PCDH7: variants seen among roughly 807,000 people sequenced by gnomAD.
The protein encoded by PCDH7 is protocadherin 7.
PCDH7 carries 17 observed loss-of-function variants against 58.9 expected under a neutral mutation model. That is an observed-to-expected ratio of 0.29 (90% CI 0.20 to 0.43). The LOEUF is 0.43. Ranked by LOEUF, PCDH7 falls within the 20% of genes least tolerant of loss-of-function variation. The probability of loss-of-function intolerance (pLI) is 1.00; values close to 1 mark genes in which losing one functional copy is unlikely to be tolerated. For synonymous variants in PCDH7, 664 were observed against 616.4 expected, an observed-to-expected ratio of 1.08 and a Z score of -1.14; for missense variants, 1,274 against 1,441.0, an observed-to-expected ratio of 0.88 and a Z score of 1.88.
At chr4:30,910,520 G>T (rs2109404278) in intron 1 of PCDH7, among the ~76,000 whole-genome samples, 1 of 152,114 alleles carries the variant, frequency 6.6e-6, no homozygotes, top group East Asian at 1.9e-4. Context: ...ACAGCCAAAA[G>T]AAGACATTTT....
At chr4:30,726,986 C>G (rs752987296) in intron 1 of PCDH7, among the ~76,000 whole-genome samples, 4 of 151,690 alleles carry the variant, frequency 2.6e-5, no homozygotes, top group Non-Finnish European at 5.9e-5. Flanking sequence ...TTAATTTTTA[C>G]AGAACTGCCA....
chr4:31,068,467 A>G (rs916181954), intron 3 of PCDH7, among the ~76,000 whole-genome samples: 1 of 152,024 alleles, frequency 6.6e-6, no homozygotes, highest in Non-Finnish European at 1.5e-5. Flanking sequence ...GTAGACTCCA[A>G]TATATACACC....
intron 1 of PCDH7, among the ~76,000 whole-genome samples, chr4:30,828,871 A>G (rs2109328457): frequency 6.6e-6 from 1 of 152,032 alleles, no homozygotes; most frequent in East Asian, 1.9e-4. Context: ...CATGATTTTA[A>G]TAGTGACAGT....
In PCDH7 at chr4:30,723,551, T is replaced by C; in HGVS notation, c.2129T>C (p.Phe710Ser). 1 of 1,614,164 alleles carries C rather than the reference T, an allele frequency of 6.2e-7. No homozygotes were observed. Among genetic ancestry groups the C allele is most frequent in the Non-Finnish European group, 8.5e-7 (1 of 1,180,026 alleles). ...CGGGAACATCAGACCACATACACTT[T>C]CAGAGTCAAGGCTGTGGATGGGGGA... Residue 710 changes from phenylalanine (F) to serine (S), a missense_variant, in exon 1 of 2, where the codon TTC becomes TCC. Physicochemically the swap from Phe to Ser is radical, Grantham distance 155 (BLOSUM62 -2). This residue lies in a region of PCDH7 where 731 missense variants were observed against 881.9 expected (regional missense o/e 0.83). Transcript: ENST00000361762. This position sits in a 1 kb window ranked among gnomAD's most constrained non-coding sequence, Gnocchi z 4.6.
chr4:31,131,132 G>T (rs1460881703), intron 3 of PCDH7, among the ~76,000 whole-genome samples: 1 of 152,142 alleles, frequency 6.6e-6, no homozygotes, highest in African/African-American at 2.4e-5. Flanking sequence ...AATCCATGCA[G>T]CCTGAGAAGG....
chr4:30,996,003 G>A (rs968703095), intron 3 of PCDH7, among the ~76,000 whole-genome samples: 1 of 152,046 alleles, frequency 6.6e-6, no homozygotes, highest in African/African-American at 2.4e-5. Flanking sequence ...CTGGGATCAG[G>A]ACATGCACCT....
intron 3 of PCDH7, among the ~76,000 whole-genome samples, chr4:31,122,911 TTAAG>T (rs941510398): frequency 6.6e-6 from 1 of 152,016 alleles, no homozygotes; most frequent in African/African-American, 2.4e-5. Flanking sequence ...TCACAAAAGA[TTAAG>T]TTTCAGTTAA....
At chr4:31,001,536 C>A (rs1299549534) in intron 3 of PCDH7, among the ~76,000 whole-genome samples, 1 of 151,968 alleles carries the variant, frequency 6.6e-6, no homozygotes, top group Non-Finnish European at 1.5e-5. Context: ...TGTTTGATGA[C>A]CATCATACCC....
At chr4:30,796,291 A>G (rs1724761063) in intron 1 of PCDH7, among the ~76,000 whole-genome samples, 1 of 152,230 alleles carries the variant, frequency 6.6e-6, no homozygotes, top group Non-Finnish European at 1.5e-5. Flanking sequence ...AGGGGGCCTA[A>G]CGGACTTCCC....
intron 1 of PCDH7, among the ~76,000 whole-genome samples, chr4:30,820,659 A>ATCACATCATATATT (rs1203495617): frequency 1.3e-5 from 2 of 152,116 alleles, no homozygotes; most frequent in Admixed American, 1.3e-4. Flanking sequence ...GGTCACAACC[A>ATCACATCATATATT]TCACATCATA....
At chr4:30,971,322 G>T (rs745310976) in intron 3 of PCDH7, among the ~76,000 whole-genome samples, 31 of 152,082 alleles carry the variant, frequency 2.0e-4, no homozygotes, top group Non-Finnish European at 4.1e-4. Flanking sequence ...TGAAACCAAG[G>T]CTCCAATTAC....
rs1578068690 is a variant in PCDH7, at chr4:30,857,949, C to T, written c.71-62204C>T. 2.0e-5 allele frequency among the ~76,000 whole-genome samples: 3 copies of T among 152,226 alleles called. No individual in the cohort carries two copies. The South Asian group carries it at 6.2e-4, about 32-fold the overall frequency. On this transcript the variant is annotated intron_variant, in intron 1 of 3. Coordinates refer to the PCDH7 transcript ENST00000509759. ...ATTGCTTTTGTAAAAATGATATATG[C>T]TTTGTGCACAAATTTAAGATAACAC...
At chr4:31,042,468 G>A (rs930847324) in intron 3 of PCDH7, among the ~76,000 whole-genome samples, 6 of 152,180 alleles carry the variant, frequency 3.9e-5, no homozygotes, top group South Asian at 2.1e-4. Context: ...ACTATCATGC[G>A]TGTGTGTCTA....
intron 3 of PCDH7, among the ~76,000 whole-genome samples, chr4:31,035,625 G>A (rs1755345348): frequency 6.6e-6 from 1 of 152,144 alleles, no homozygotes; most frequent in Non-Finnish European, 1.5e-5. Context: ...GAACCAAAGA[G>A]CAGGTTGCAT....
At chr4:31,115,794 A>G (rs1716919748) in intron 3 of PCDH7, among the ~76,000 whole-genome samples, 1 of 152,208 alleles carries the variant, frequency 6.6e-6, no homozygotes, top group Non-Finnish European at 1.5e-5. Context: ...ACAACAGAAA[A>G]TCAGTTTAAA....
chr4:30,732,392 C>T (rs1254003003), exon 2 of PCDH7: 2 of 152,036 alleles, frequency 1.3e-5, no homozygotes, highest in Non-Finnish European at 2.9e-5. Context: ...AAACAAATTA[C>T]AGAAAAATCA....
downstream of PCDH7, chr4:31,146,508 T>C (rs1449455367): frequency 1.3e-5 from 2 of 152,116 alleles, no homozygotes; most frequent in East Asian, 3.9e-4. Context: ...TTCAGACTTT[T>C]CCTACAGTTT....
chr4:30,869,220 T>G (rs1486331935), intron 1 of PCDH7: 3 of 152,146 alleles, frequency 2.0e-5, no homozygotes, highest in African/African-American at 7.2e-5. Flanking sequence ...AAGGAAAACC[T>G]ATCAAAAATT....
At chr4:30,866,926 C>T (rs1734956615) in intron 1 of PCDH7, among the ~76,000 whole-genome samples, 1 of 151,898 alleles carries the variant, frequency 6.6e-6, no homozygotes, top group Non-Finnish European at 1.5e-5. Context: ...TTTTTGGTTT[C>T]CCCCCAGAAC....
Sources: allele counts gnomAD v4.1 joint callset (sites outside exome capture counted in the v4.1 genomes callset), GRCh38; gene constraint gnomAD v4.1.1; regional missense constraint gnomAD v4.1.1; non-coding constraint Gnocchi (gnomAD v3.1); transcripts MANE v1.5; gene names NCBI Gene and HGNC (gene_info 2026-07-23, HGNC 2026-07-21).